Variants in NOL4 observed in about 807,000 individuals in gnomAD.
The protein encoded by NOL4 is nucleolar protein 4.
Under a neutral mutation model 75.9 loss-of-function variants are expected in NOL4, and 17 were observed. The ratio of observed to expected loss-of-function variants is 0.22; its 90% CI spans 0.15 to 0.34. The LOEUF is 0.34. Among genes scored for constraint, NOL4 ranks in the 10% least tolerant of loss-of-function variants. The probability of loss-of-function intolerance (pLI) is 1.00; values close to 1 mark genes in which losing one functional copy is unlikely to be tolerated. For synonymous variants in NOL4, 292 were observed against 289.9 expected (o/e 1.01, Z -0.07); for missense variants, 614 against 793.5 (o/e 0.77, Z 2.72).
intron 1 of NOL4, among the ~76,000 whole-genome samples, chr18:34,157,728 G>A (rs1387059086): frequency 2.0e-5 from 3 of 152,118 alleles, no homozygotes; most frequent in African/African-American, 4.8e-5. Flanking sequence ...GATGGGAAGA[G>A]ATTATCAAGG....
At chr18:33,904,788 A>G (rs548628579) in intron 9 of NOL4, among the ~76,000 whole-genome samples, 2 of 152,258 alleles carry the variant, frequency 1.3e-5, no homozygotes, top group East Asian at 3.9e-4. Flanking sequence ...AAACTTACTG[A>G]CTTTCTTATT....
intron 6 of NOL4, among the ~76,000 whole-genome samples, chr18:34,017,535 C>A (rs2074770760): frequency 1.3e-5 from 2 of 152,086 alleles, no homozygotes. Flanking sequence ...AGTACTCCTG[C>A]CGTTTATATC....
intron 5 of NOL4, among the ~76,000 whole-genome samples, chr18:34,070,135 CA>C (rs2077450530): frequency 1.3e-5 from 2 of 152,194 alleles, no homozygotes; most frequent in East Asian, 1.9e-4. Flanking sequence ...GGGTTCACGC[CA>C]TTCTCCTGCC....
At chr18:33,892,976 A>T (rs765507632) in intron 9 of NOL4, among the ~76,000 whole-genome samples, 1 of 152,054 alleles carries the variant, frequency 6.6e-6, no homozygotes, top group African/African-American at 2.4e-5. Context: ...AAATAATTTT[A>T]TATCCTAGCT....
At chr18:34,038,528 T>C (rs1023461290) in intron 5 of NOL4, among the ~76,000 whole-genome samples, 3 of 152,062 alleles carry the variant, frequency 2.0e-5, no homozygotes, top group Non-Finnish European at 2.9e-5. Context: ...ATGTGGTACA[T>C]ATACATAGTA....
chr18:34,173,926 A>C (rs80015484), intron 1 of NOL4, among the ~76,000 whole-genome samples: 5,203 of 152,322 alleles, frequency 0.034, 90 homozygotes, highest in Middle Eastern at 0.048. Context: ...TTAACTTCAA[A>C]CGTAATCATT....
intron 5 of NOL4, among the ~76,000 whole-genome samples, chr18:34,059,530 G>A (rs1473040020): frequency 6.6e-6 from 1 of 152,056 alleles, no homozygotes; most frequent in Non-Finnish European, 1.5e-5. Flanking sequence ...ATCTTCTTCA[G>A]GGTTTCCACA....
At chr18:33,987,955 C>G (rs1256252749) in intron 6 of NOL4, among the ~76,000 whole-genome samples, 1 of 152,052 alleles carries the variant, frequency 6.6e-6, no homozygotes, top group Non-Finnish European at 1.5e-5. Context: ...ACATACACTA[C>G]CCTACTACTT....
At chr18:34,197,233 A>G (rs554968301) in intron 1 of NOL4, among the ~76,000 whole-genome samples, 1 of 152,132 alleles carries the variant, frequency 6.6e-6, no homozygotes, top group East Asian at 1.9e-4. Context: ...TATGATCTTT[A>G]TCCTTTTTCT....
chr18:34,034,187 G>T (rs1290909853), intron 5 of NOL4, among the ~76,000 whole-genome samples: 1 of 151,972 alleles, frequency 6.6e-6, no homozygotes, highest in Non-Finnish European at 1.5e-5. Flanking sequence ...AAACCAAAAT[G>T]ACAGACAATA....
In NOL4 at chr18:33,977,492, G is replaced by A. The variant is rs181613249; in HGVS notation, c.1057-19074C>T. Among the ~76,000 whole-genome samples, 545 of 152,072 alleles carry A rather than the reference G, an allele frequency of 3.6e-3. 3 individuals are homozygous for A. Among genetic ancestry groups the A allele is most frequent in the African/African-American group, 0.012 (508 of 41,506 alleles). On this transcript the variant is annotated intron_variant, in intron 6 of 10. Coordinates refer to ENST00000261592, the MANE Select transcript of NOL4 (RefSeq NM_003787.5). Reference sequence around the variant, plus strand: ...TAAGATGTGACTTTGTTCCTCTTTCGCCTTCCACCATGATTGTGAGGCCTT... The same window carrying A: ...TAAGATGTGACTTTGTTCCTCTTTCACCTTCCACCATGATTGTGAGGCCTT...
At chr18:34,067,252 G>C (rs1443921345) in intron 5 of NOL4, among the ~76,000 whole-genome samples, 1 of 152,088 alleles carries the variant, frequency 6.6e-6, no homozygotes, top group Admixed American at 6.6e-5. Context: ...AAGAATTTTA[G>C]GCAAAAGTAC....
At chr18:34,210,694 T>A (rs1301134773) in intron 1 of NOL4, among the ~76,000 whole-genome samples, 1 of 152,214 alleles carries the variant, frequency 6.6e-6, no homozygotes, top group Non-Finnish European at 1.5e-5. Flanking sequence ...AGTCTGGTCA[T>A]ACAGTGTTAT....
chr18:33,885,582 T>C (rs571707700), intron 9 of NOL4, among the ~76,000 whole-genome samples: 33 of 152,224 alleles, frequency 2.2e-4, no homozygotes, highest in African/African-American at 7.2e-4. Flanking sequence ...CTCAACATCA[T>C]TGATGATCAG....
intron 9 of NOL4, among the ~76,000 whole-genome samples, chr18:33,916,541 T>C (rs2066732305): frequency 6.6e-6 from 1 of 151,784 alleles, no homozygotes; most frequent in South Asian, 2.1e-4. Flanking sequence ...CAAGTATAAA[T>C]TAATTTTGTT....
chr18:34,121,924 C>T (rs1264352267), intron 2 of NOL4, among the ~76,000 whole-genome samples: 1 of 152,138 alleles, frequency 6.6e-6, no homozygotes, highest in Non-Finnish European at 1.5e-5. Flanking sequence ...ACAATGCCAC[C>T]TGTCTGCCCC....
chr18:34,069,014 G>GA (rs2077399967), intron 5 of NOL4, among the ~76,000 whole-genome samples: 1 of 151,994 alleles, frequency 6.6e-6, no homozygotes, highest in East Asian at 1.9e-4. Flanking sequence ...ATACATGAAG[G>GA]AAAAAATTAT....
At chr18:33,896,887 T>C (rs62097797) in intron 9 of NOL4, among the ~76,000 whole-genome samples, 3,367 of 152,212 alleles carry the variant, frequency 0.022, 44 homozygotes, top group Admixed American at 0.032. Context: ...AAAAGTCTAA[T>C]ATCCAGCATC....
chr18:34,065,047 A>T (rs1339212987), intron 5 of NOL4, among the ~76,000 whole-genome samples: 2 of 151,930 alleles, frequency 1.3e-5, no homozygotes, highest in Admixed American at 1.3e-4. Context: ...TTTTGGATTT[A>T]TTAAAGCAAT....
Sources: gnomAD v4.1 joint callset for allele counts (sites outside exome capture counted in the v4.1 genomes callset) on GRCh38, gnomAD v4.1.1 for gene constraint, MANE v1.5 for transcripts, NCBI Gene and HGNC (gene_info 2026-07-23, HGNC 2026-07-21) for gene names.